The following PROX1 variants were observed in gnomAD, a reference collection of about 807,000 sequenced individuals.
PROX1 encodes prospero homeobox protein 1.
Under a neutral mutation model 58.8 loss-of-function variants are expected in PROX1, and 7 were observed. That is an observed-to-expected ratio of 0.12 (90% CI 0.07 to 0.22). PROX1 has a LOEUF of 0.22. Ranked by LOEUF, PROX1 falls within the 10% of genes least tolerant of loss-of-function variation. PROX1 has a pLI of 1.00. For missense variants in PROX1, 675 were observed against 927.8 expected, an observed-to-expected ratio of 0.73 and a Z score of 3.54; for synonymous variants, 350 against 358.3, an observed-to-expected ratio of 0.98 and a Z score of 0.26.
In PROX1 at chr1:213,997,045, G is replaced by A. The variant is rs140311564; in HGVS notation, c.510G>A (p.Glu170=). 1.7e-5 allele frequency: 27 copies of A among 1,613,946 alleles called. No homozygotes were observed. In the African/African-American group the frequency reaches 3.2e-4, roughly 19 times the overall value. The part of the protein sequence containing the change: ...EHLRAKRARV[E]NIIRGMSHSP... ...TGAGAGCAAAGCGCGCCCGGGTTGA[G>A]AATATAATTCGGGGTATGAGCCATT... The change falls in exon 2 of 5, where the codon GAG becomes GAA. Residue 170 remains glutamate, a synonymous_variant. Coordinates refer to ENST00000366958, the MANE Select transcript of PROX1 (RefSeq NM_001270616.2). This position sits in a 1 kb window ranked among gnomAD's most constrained non-coding sequence, Gnocchi z 7.1.
chr1:214,024,557 G>A (rs573738004), intron 4 of PROX1, among the ~76,000 whole-genome samples: 1 of 152,202 alleles, frequency 6.6e-6, no homozygotes, highest in Non-Finnish European at 1.5e-5. Context: ...TTTACTATGA[G>A]CAATCCCTTT....
rs180781567 is a variant in PROX1, at chr1:214,036,188, C to A, written c.*354C>A. On this transcript the variant is annotated 3_prime_UTR_variant, in exon 5 of 5. Transcript: ENST00000366958. ...CATCCACTTGATTGATGACTTATTGCAAATGGCGGTTGGCTGAGGAAAACC... is the reference window on the plus strand; with the variant it reads ...CATCCACTTGATTGATGACTTATTGAAAATGGCGGTTGGCTGAGGAAAACC... 166 of 164,242 alleles carry A rather than the reference C, an allele frequency of 1.0e-3. No individual in the cohort carries two copies. The highest frequency in any genetic ancestry group is 1.6e-3 in the Non-Finnish European group (118 of 76,082). The allele number at this position is 164,242 out of a possible 1,614,324, so 10.2% of individuals were successfully genotyped here.
intron 4 of PROX1, among the ~76,000 whole-genome samples, chr1:214,021,606 C>T (rs1353396826): frequency 6.6e-6 from 1 of 152,250 alleles, no homozygotes; most frequent in African/African-American, 2.4e-5. Flanking sequence ...TACTAACTCA[C>T]ACAGCAGAAC....
chr1:213,998,447 C>G (rs1196689929), intron 2 of PROX1, among the ~76,000 whole-genome samples, 187 bp downstream of exon 2: 1 of 152,176 alleles, frequency 6.6e-6, no homozygotes, highest in East Asian at 1.9e-4. Context: ...AAGCTTAAAA[C>G]TAAGCCAACA....
At chr1:213,986,589 G>A (rs1485495089), upstream of PROX1, among the ~76,000 whole-genome samples, 1 of 152,142 alleles carries the variant, frequency 6.6e-6, no homozygotes, top group Non-Finnish European at 1.5e-5. Flanking sequence ...ATACCCTGTT[G>A]TCACGACACA....
intron 3 of PROX1, among the ~76,000 whole-genome samples, chr1:214,008,751 G>T (rs571277475): frequency 6.6e-6 from 1 of 152,170 alleles, no homozygotes; most frequent in Non-Finnish European, 1.5e-5. Flanking sequence ...TTCTACAGGG[G>T]TGATGTATAT....
chr1:214,036,567 C>T lies in PROX1; in HGVS notation c.*733C>T, dbSNP rs1664836558. The T allele has an allele frequency of 6.6e-6, 1 of 152,162 alleles. No individual in the cohort carries two copies. The highest frequency in any genetic ancestry group is 2.1e-4 in the South Asian group (1 of 4,834). The allele number at this position is 152,162 out of a possible 1,614,324, so 9.4% of individuals were successfully genotyped here. A position where few individuals can be genotyped will look rare whatever the true frequency, so the allele number is the denominator to read the frequency against. The stretch of plus-strand genomic sequence containing the variant: ...AAATTCATACCTGGTCTTGTAGCCA[C>T]CTCTCTAAACTTGAAAATAGGTTCT... On this transcript the variant is annotated 3_prime_UTR_variant, in exon 5 of 5. Coordinates refer to ENST00000366958, the MANE Select transcript of PROX1 (RefSeq NM_001270616.2).
chr1:214,024,361 T>C (rs1294600408), intron 4 of PROX1, among the ~76,000 whole-genome samples: 5 of 152,168 alleles, frequency 3.3e-5, no homozygotes, highest in Non-Finnish European at 5.9e-5. Context: ...AGAACAAAGA[T>C]CTTGCAGTCA....
chr1:214,007,872 G>A (rs914992488), intron 3 of PROX1, among the ~76,000 whole-genome samples: 5 of 152,124 alleles, frequency 3.3e-5, no homozygotes, highest in African/African-American at 1.2e-4. Flanking sequence ...AGAGAACTTA[G>A]GGTCTTCTCA....
At chr1:214,023,761 AG>A (rs1664363125) in intron 4 of PROX1, among the ~76,000 whole-genome samples, 1 of 152,178 alleles carries the variant, frequency 6.6e-6, no homozygotes, top group Non-Finnish European at 1.5e-5. Context: ...ATTGCACCTA[AG>A]TTCTGTTTTC....
rs183034142 is a variant in PROX1 at position 214,032,820 on chromosome 1, C to T, written c.2029-2829C>T. Among the ~76,000 whole-genome samples, 27 of 152,244 alleles carry T rather than the reference C, an allele frequency of 1.8e-4. No individual in the cohort carries two copies. The East Asian group carries it at 5.0e-3, about 28-fold the overall frequency. On this transcript the variant is annotated intron_variant, in intron 4 of 4. Coordinates refer to ENST00000366958, the MANE Select transcript of PROX1 (RefSeq NM_001270616.2). ...GATAAAAAGTTAAACAGCATCAAGACACAAATGCAAAAGGTGATAAAGGAT... is the reference window on the plus strand; with the variant it reads ...GATAAAAAGTTAAACAGCATCAAGATACAAATGCAAAAGGTGATAAAGGAT...
At chr1:213,995,793 G>A (rs1663241322) in intron 1 of PROX1, among the ~76,000 whole-genome samples, 1 of 152,098 alleles carries the variant, frequency 6.6e-6, no homozygotes, top group Non-Finnish European at 1.5e-5. Context: ...AGTAAAAAAT[G>A]CATAGCTAAG....
intron 4 of PROX1, among the ~76,000 whole-genome samples, chr1:214,018,430 A>G (rs1016982443): frequency 6.6e-6 from 1 of 152,208 alleles, no homozygotes. Flanking sequence ...CTTCAATTCT[A>G]TCTTGTAAGA....
chr1:214,001,790 G>A (rs1402422289), intron 2 of PROX1, among the ~76,000 whole-genome samples: 1 of 151,830 alleles, frequency 6.6e-6, no homozygotes, highest in Non-Finnish European at 1.5e-5. Context: ...AGCAAAACAT[G>A]TAGATTAAAG....
chr1:214,000,233 A>AT (rs1663450353), intron 2 of PROX1, among the ~76,000 whole-genome samples: 1 of 152,202 alleles, frequency 6.6e-6, no homozygotes, highest in African/African-American at 2.4e-5. Context: ...CCAGATCATT[A>AT]TAATTATGGC....
At chr1:214,003,161 AG>A (rs1382472278) in intron 2 of PROX1, among the ~76,000 whole-genome samples, 1 of 152,252 alleles carries the variant, frequency 6.6e-6, no homozygotes, top group Non-Finnish European at 1.5e-5. Context: ...TAAAAGCTTC[AG>A]GAAGTTTTGG....
intron 2 of PROX1, among the ~76,000 whole-genome samples, chr1:214,002,577 T>TC: frequency 6.6e-6 from 1 of 152,068 alleles, no homozygotes; most frequent in Admixed American, 6.6e-5. Flanking sequence ...TTGCGTTCCA[T>TC]CCCCCCTCAC....
At chr1:214,028,495 G>A (rs577275625) in intron 4 of PROX1, among the ~76,000 whole-genome samples, 6 of 152,192 alleles carry the variant, frequency 3.9e-5, no homozygotes, top group East Asian at 3.9e-4. Flanking sequence ...TTTCTCAACC[G>A]GTTGACTCAG....
intron 4 of PROX1, among the ~76,000 whole-genome samples, chr1:214,014,287 T>A (rs546189731): frequency 2.0e-5 from 3 of 152,268 alleles, no homozygotes; most frequent in East Asian, 3.9e-4. Flanking sequence ...CCTCTTAAGG[T>A]CAAGTAAAAT....
Sources: allele counts gnomAD v4.1 joint callset (sites outside exome capture counted in the v4.1 genomes callset), GRCh38; gene constraint gnomAD v4.1.1; non-coding constraint Gnocchi (gnomAD v3.1); transcripts MANE v1.5; gene names NCBI Gene and HGNC (gene_info 2026-07-23, HGNC 2026-07-21).